Variants in AUTS2 observed in about 807,000 individuals in gnomAD.
The protein encoded by AUTS2 is autism susceptibility gene 2 protein.
In AUTS2, 17 loss-of-function variants were observed where a neutral mutation model predicts 112.4. The observed-to-expected ratio is 0.15, with a 90% CI of 0.10 to 0.23. AUTS2 has a LOEUF of 0.23. Among genes scored for constraint, AUTS2 ranks in the 10% least tolerant of loss-of-function variants. AUTS2 has a pLI of 1.00. For synonymous variants in AUTS2, 751 were observed against 702.7 expected, an observed-to-expected ratio of 1.07 and a Z score of -1.09; for missense variants, 1,510 against 1,701.6, an observed-to-expected ratio of 0.89 and a Z score of 1.98.
chr7:69,610,986 A>G (rs899364623), intron 1 of AUTS2, among the ~76,000 whole-genome samples: 14 of 152,352 alleles, frequency 9.2e-5, no homozygotes, highest in Middle Eastern at 3.4e-3. Flanking sequence ...ATTATACCCT[A>G]TGAACTGATG....
At chr7:70,137,116 C>T (rs1330939964) in intron 4 of AUTS2, among the ~76,000 whole-genome samples, 3 of 152,064 alleles carry the variant, frequency 2.0e-5, no homozygotes. Context: ...TTTTGTGTTC[C>T]AAAGATGTCT....
intron 5 of AUTS2, among the ~76,000 whole-genome samples, chr7:70,599,370 C>G (rs1433295973): frequency 6.6e-6 from 1 of 152,178 alleles, no homozygotes; most frequent in Non-Finnish European, 1.5e-5. Flanking sequence ...ATCTTTCTGT[C>G]TTTACACTCG....
At chr7:69,800,237 GC>G (rs1790023464) in intron 1 of AUTS2, among the ~76,000 whole-genome samples, 1 of 152,180 alleles carries the variant, frequency 6.6e-6, no homozygotes, top group South Asian at 2.1e-4. Context: ...CTTTAGGAAA[GC>G]CCCTACTCAA....
chr7:69,609,717 A>C (rs1792925518), intron 1 of AUTS2, among the ~76,000 whole-genome samples: 1 of 152,260 alleles, frequency 6.6e-6, no homozygotes, highest in African/African-American at 2.4e-5. Flanking sequence ...AGGCTCAACG[A>C]AAATTTTCTT....
intron 1 of AUTS2, among the ~76,000 whole-genome samples, chr7:69,799,786 C>T (rs751560019): frequency 8.5e-5 from 13 of 152,090 alleles, no homozygotes; most frequent in Non-Finnish European, 1.8e-4. Context: ...AAGCTCTCCC[C>T]GCCCCCTCCT....
chr7:70,150,863 G>A (rs1466191268), intron 4 of AUTS2, among the ~76,000 whole-genome samples: 1 of 152,140 alleles, frequency 6.6e-6, no homozygotes, highest in African/African-American at 2.4e-5. Flanking sequence ...GAATAACAGG[G>A]ACTGAATTTA....
At chr7:70,484,425 G>T (rs989928626) in intron 5 of AUTS2, among the ~76,000 whole-genome samples, 2 of 152,152 alleles carry the variant, frequency 1.3e-5, no homozygotes, top group Non-Finnish European at 2.9e-5. Flanking sequence ...GGAAGAGCAC[G>T]TGTGGCTTCT....
At chr7:69,998,280 C>T (rs186212912) in intron 2 of AUTS2, among the ~76,000 whole-genome samples, 5 of 152,186 alleles carry the variant, frequency 3.3e-5, no homozygotes, top group South Asian at 2.1e-4. Context: ...TTCCTGGACC[C>T]GGGTGACCCT....
At chr7:70,602,242 T>C (rs547738569) in intron 5 of AUTS2, among the ~76,000 whole-genome samples, 3 of 152,316 alleles carry the variant, frequency 2.0e-5, no homozygotes, top group East Asian at 1.9e-4. Context: ...CTTAGACTTA[T>C]GTCATGCCAT....
chr7:70,548,145 G>A (rs1800864766), intron 5 of AUTS2, among the ~76,000 whole-genome samples: 1 of 152,076 alleles, frequency 6.6e-6, no homozygotes. Flanking sequence ...ATTTCTACCC[G>A]CACCCCATCC....
chr7:70,396,844 C>T (rs972344945), intron 4 of AUTS2, among the ~76,000 whole-genome samples: 69 of 152,146 alleles, frequency 4.5e-4, no homozygotes, highest in Non-Finnish European at 1.5e-4. Flanking sequence ...CATTCACATA[C>T]AAGTCTTTGT....
At chr7:69,837,553 C>T (rs1791781978) in intron 1 of AUTS2, among the ~76,000 whole-genome samples, 1 of 152,126 alleles carries the variant, frequency 6.6e-6, no homozygotes, top group Non-Finnish European at 1.5e-5. Flanking sequence ...CCTCTCCCTG[C>T]CTCCTGGTCT....
intron 2 of AUTS2, among the ~76,000 whole-genome samples, chr7:69,908,026 C>T (rs371993469): frequency 1.2e-4 from 18 of 152,260 alleles, no homozygotes; most frequent in African/African-American, 3.6e-4. Context: ...CAAGGAATGA[C>T]CTCCCTCTTG....
chr7:69,637,872 A>G (rs1313935104), intron 1 of AUTS2, among the ~76,000 whole-genome samples: 2 of 152,204 alleles, frequency 1.3e-5, no homozygotes, highest in South Asian at 2.1e-4. Context: ...TATGCTGCTC[A>G]TGATTGTATT....
chr7:70,058,301 T>C (rs1249071047), intron 2 of AUTS2, among the ~76,000 whole-genome samples: 1 of 152,090 alleles, frequency 6.6e-6, no homozygotes, highest in Non-Finnish European at 1.5e-5. Flanking sequence ...ACATGTGGTA[T>C]GTCTGGAGTT....
chr7:70,506,136 C>T (rs1231835191), intron 5 of AUTS2, among the ~76,000 whole-genome samples: 4 of 152,106 alleles, frequency 2.6e-5, no homozygotes, highest in Non-Finnish European at 5.9e-5. Flanking sequence ...TTTTTCTCCC[C>T]TGGGACTGAC....
intron 5 of AUTS2, among the ~76,000 whole-genome samples, chr7:70,594,597 G>C (rs1803104026): frequency 6.6e-6 from 1 of 152,210 alleles, no homozygotes; most frequent in Admixed American, 6.5e-5. Flanking sequence ...GAGAGGCTTA[G>C]CAGCTCTCAG....
chr7:69,926,985 T>C (rs1274739565), intron 2 of AUTS2, among the ~76,000 whole-genome samples: 1 of 146,848 alleles, frequency 6.8e-6, no homozygotes, highest in Non-Finnish European at 1.5e-5. Flanking sequence ...TACAGTATTT[T>C]CCCTAAAGCA....
In AUTS2 at chr7:70,791,674, C is replaced by T. The variant is rs1791972160; in HGVS notation, c.*678C>T. On this transcript the variant is annotated 3_prime_UTR_variant, in exon 19 of 19. Coordinates refer to ENST00000342771, the MANE Select transcript of AUTS2 (RefSeq NM_015570.4). ...CCTTTTCAAATCCATTTACAGCATA[C>T]TTAAGGTCATATTTTCCCTGAACAA... The T allele has an allele frequency of 1.3e-5, 2 of 152,554 alleles. No individual in the cohort carries two copies. Among genetic ancestry groups the T allele is most frequent in the Admixed American group, 6.5e-5 (1 of 15,274 alleles). The allele number at this position is 152,554 out of a possible 1,614,324, so 9.5% of individuals were successfully genotyped here.
Sources: gnomAD v4.1 joint callset for allele counts (sites outside exome capture counted in the v4.1 genomes callset) on GRCh38, gnomAD v4.1.1 for gene constraint, MANE v1.5 for transcripts, NCBI Gene and HGNC (gene_info 2026-07-23, HGNC 2026-07-21) for gene names.